The following NCAM1 variants were observed in gnomAD, a reference collection of about 807,000 sequenced individuals.
NCAM1 encodes neural cell adhesion molecule 1, also known as antigen recognized by monoclonal antibody 5.1H11.
Under a neutral mutation model 109.8 loss-of-function variants are expected in NCAM1, and 14 were observed. The observed-to-expected ratio is 0.13, with a 90% CI of 0.08 to 0.20. The LOEUF (loss-of-function observed/expected upper bound fraction) is 0.20. Ranked by LOEUF, NCAM1 falls within the 10% of genes least tolerant of loss-of-function variation. NCAM1 has a pLI of 1.00. For missense variants in NCAM1, 774 were observed against 1,109.9 expected, an observed-to-expected ratio of 0.70 and a Z score of 4.30; for synonymous variants, 418 against 442.9, an observed-to-expected ratio of 0.94 and a Z score of 0.70.
intron 1 of NCAM1, among the ~76,000 whole-genome samples, chr11:113,188,680 G>A (rs1348668646): frequency 6.6e-6 from 1 of 152,162 alleles, no homozygotes; most frequent in Admixed American, 6.5e-5. Flanking sequence ...AAATTTCAGT[G>A]ACTGGTGACC....
intron 1 of NCAM1, among the ~76,000 whole-genome samples, chr11:113,079,481 C>G (rs1253319075): frequency 1.3e-5 from 2 of 152,128 alleles, no homozygotes; most frequent in African/African-American, 2.4e-5. Context: ...TACTTATATC[C>G]CAGAGACAGA....
chr11:113,108,811 T>C (rs1940295439), intron 1 of NCAM1, among the ~76,000 whole-genome samples: 1 of 148,254 alleles, frequency 6.7e-6, no homozygotes, highest in South Asian at 2.1e-4. Flanking sequence ...AGTCTCACCC[T>C]GTCGCCCAGG....
At chr11:113,108,234 C>T (rs1271971994) in intron 1 of NCAM1, among the ~76,000 whole-genome samples, 2 of 151,966 alleles carry the variant, frequency 1.3e-5, no homozygotes, top group Non-Finnish European at 2.9e-5. Context: ...GCTTAATTTA[C>T]CTTGTGTGAG....
chr11:113,127,930 A>T (rs558833159), intron 1 of NCAM1, among the ~76,000 whole-genome samples: 1 of 152,208 alleles, frequency 6.6e-6, no homozygotes. Context: ...GACTGGGCAC[A>T]GGAGATTTTG....
chr11:113,260,885 G>T (rs1443810830), intron 17 of NCAM1, among the ~76,000 whole-genome samples: 1 of 152,186 alleles, frequency 6.6e-6, no homozygotes, highest in Non-Finnish European at 1.5e-5. Context: ...AACAAGTGGA[G>T]AAAATAGATG....
At chr11:112,986,086 C>T (rs1254639045) in intron 1 of NCAM1, among the ~76,000 whole-genome samples, 2 of 151,878 alleles carry the variant, frequency 1.3e-5, no homozygotes, top group African/African-American at 4.8e-5. Flanking sequence ...TACAGTCCTT[C>T]TATACCTAAT....
chr11:113,062,287 G>C (rs190531361), intron 1 of NCAM1, among the ~76,000 whole-genome samples: 1 of 152,252 alleles, frequency 6.6e-6, no homozygotes, highest in East Asian at 1.9e-4. Flanking sequence ...ACCACTGAGT[G>C]GTGTTCTGTC....
At position 113,239,545 on chromosome 11, in the gene NCAM1, G is replaced by A. The variant is rs1382704752; in HGVS notation, c.1825+4381G>A. On this transcript the variant is annotated intron_variant, in intron 14 of 19. Coordinates refer to ENST00000316851, the MANE Select transcript of NCAM1 (RefSeq NM_181351.5). ...TTTTGAGACGGAGTCTCGCTCTGTC[G>A]CCCAGGCTGGAGTGCAGTGGCGGGA... Among the ~76,000 whole-genome samples the A allele has an allele frequency of 3.2e-5, 4 of 126,072 alleles. No individual in the cohort carries two copies. The East Asian group carries it at 7.8e-4, about 25-fold the overall frequency. The allele number at this position is 126,072 out of a possible 152,430, so 82.7% of individuals were successfully genotyped here. A position where few individuals can be genotyped will look rare whatever the true frequency, so the allele number is the denominator to read the frequency against.
intron 17 of NCAM1, chr11:113,269,959 G>A (rs1946229378): frequency 1.7e-6 from 1 of 578,828 alleles, no homozygotes; most frequent in African/African-American, 1.9e-5. Context: ...GCTCACCCCT[G>A]TTCCCCAATC....
At chr11:113,191,197 A>T (rs1943664226) in intron 1 of NCAM1, among the ~76,000 whole-genome samples, 1 of 152,196 alleles carries the variant, frequency 6.6e-6, no homozygotes, top group South Asian at 2.1e-4. Context: ...GAAGGGCTGC[A>T]GGTGGACATT....
chr11:113,258,768 A>G (rs1241724617), intron 16 of NCAM1, among the ~76,000 whole-genome samples: 1 of 152,268 alleles, frequency 6.6e-6, no homozygotes, highest in Non-Finnish European at 1.5e-5. Flanking sequence ...AAATCTGTAT[A>G]GCTATTTTGT....
chr11:113,082,201 A>G (rs1332956773), intron 1 of NCAM1, among the ~76,000 whole-genome samples: 4 of 152,312 alleles, frequency 2.6e-5, no homozygotes, highest in African/African-American at 9.6e-5. Context: ...GTTATAATTG[A>G]TAACTGAGAA....
At chr11:113,185,068 T>TTATATATATATATATATA (rs148340673) in intron 1 of NCAM1, among the ~76,000 whole-genome samples, 83 of 99,582 alleles carry the variant, frequency 8.3e-4, no homozygotes, top group Middle Eastern at 4.5e-3. Flanking sequence ...GCATTTATAT[T>TTATATATATATATATATA]TATATATATA....
At chr11:113,191,907 C>A (rs1943689650) in intron 1 of NCAM1, among the ~76,000 whole-genome samples, 1 of 152,124 alleles carries the variant, frequency 6.6e-6, no homozygotes, top group African/African-American at 2.4e-5. Flanking sequence ...GTGCTTAAAG[C>A]AATGAACACA....
At chr11:113,079,811 C>T (rs1297491147) in intron 1 of NCAM1, among the ~76,000 whole-genome samples, 1 of 152,130 alleles carries the variant, frequency 6.6e-6, no homozygotes, top group Non-Finnish European at 1.5e-5. Flanking sequence ...TGGCCATTTT[C>T]CTGTACTGGG....
Position 113,057,255 on chromosome 11 carries a change from T to C in NCAM1, c.52+95591T>C, listed in dbSNP as rs150652828. Among the ~76,000 whole-genome samples the C allele has an allele frequency of 4.3e-3, 656 of 151,976 alleles. 5 individuals carry two copies. The highest frequency in any genetic ancestry group is 0.015 in the African/African-American group (628 of 41,442). ...GGTGAGGTGTGAGAGGATGCAGAAGTGAGGAGCGCCCAGACAGAGAGGGGA... is the reference window on the plus strand; with the variant it reads ...GGTGAGGTGTGAGAGGATGCAGAAGCGAGGAGCGCCCAGACAGAGAGGGGA... On this transcript the variant is annotated intron_variant, in intron 1 of 19. Transcript: ENST00000316851.
rs1469678229 is a variant in NCAM1, at chr11:113,278,329, C to A, written c.*2942C>A. 1 of 152,180 alleles carries A rather than the reference C, an allele frequency of 6.6e-6. No individual in the cohort carries two copies. Among genetic ancestry groups the A allele is most frequent in the Non-Finnish European group, 1.5e-5 (1 of 68,044 alleles). The allele number at this position is 152,180 out of a possible 1,614,324, so 9.4% of individuals were successfully genotyped here. The stretch of plus-strand genomic sequence containing the variant: ...TTTACCAAGTGAAACATCGATACCA[C>A]CTTTGTTTCCATTCTCACTGGTGTA... On this transcript the variant is annotated 3_prime_UTR_variant, in exon 20 of 20. Transcript: ENST00000316851.
intron 1 of NCAM1, among the ~76,000 whole-genome samples, chr11:112,972,031 G>A (rs1555066886): frequency 1.3e-5 from 2 of 152,124 alleles, no homozygotes; most frequent in African/African-American, 4.8e-5. Flanking sequence ...GGTGGATGAT[G>A]GATCCCAAAT....
At chr11:113,221,215 G>T in intron 8 of NCAM1, 81 bp from the exon 9 acceptor site, 2 of 1,379,554 alleles carry the variant, frequency 1.4e-6, no homozygotes, top group Non-Finnish European at 2.0e-6. Flanking sequence ...TGCACGGAAT[G>T]CAGTGTGATA....
Sources: gnomAD v4.1 joint callset for allele counts (sites outside exome capture counted in the v4.1 genomes callset) on GRCh38, gnomAD v4.1.1 for gene constraint, MANE v1.5 for transcripts, NCBI Gene and HGNC (gene_info 2026-07-23, HGNC 2026-07-21) for gene names.